The following TANC1 variants were observed in gnomAD, a reference collection of about 807,000 sequenced individuals.
TANC1 encodes protein TANC1.
In TANC1, 77 loss-of-function variants were observed where a neutral mutation model predicts 149.7. That is an observed-to-expected ratio of 0.51 (90% CI 0.43 to 0.62). The LOEUF (loss-of-function observed/expected upper bound fraction) is 0.62, where lower values mean the gene tolerates loss of function less well. Among genes scored for constraint, TANC1 ranks in the 20% least tolerant of loss-of-function variants. The pLI is 0.00. For synonymous variants in TANC1, 854 were observed against 925.0 expected (o/e 0.92, Z 1.39); for missense variants, 1,985 against 2,321.8 (o/e 0.85, Z 2.98).
intron 2 of TANC1, chr2:159,056,575 A>G (rs1574377551): frequency 6.4e-6 from 1 of 155,552 alleles, no homozygotes; most frequent in East Asian, 1.9e-4. Context: ...GAAGCCTCCC[A>G]AAGTGCTGGG....
intron 19 of TANC1, among the ~76,000 whole-genome samples, chr2:159,213,313 C>T (rs1027459221): frequency 8.6e-5 from 13 of 151,952 alleles, no homozygotes; most frequent in South Asian, 4.2e-4. Flanking sequence ...GAGACTACAG[C>T]GAGAATTCCT....
At chr2:159,190,809 C>A (rs986933116) in intron 16 of TANC1, among the ~76,000 whole-genome samples, 1 of 152,240 alleles carries the variant, frequency 6.6e-6, no homozygotes, top group African/African-American at 2.4e-5. Context: ...ACCTCGGCCT[C>A]CCAAAGTGTT....
At chr2:159,225,432 A>G (rs1401157541) in intron 23 of TANC1, 3 of 532,232 alleles carry the variant, frequency 5.6e-6, no homozygotes, top group East Asian at 6.6e-5. Context: ...GAAGGGAGGA[A>G]TGAGTTTTCG....
intron 4 of TANC1, among the ~76,000 whole-genome samples, chr2:159,104,095 C>A (rs2046956595): frequency 1.0e-5 from 1 of 95,978 alleles, no homozygotes; most frequent in African/African-American, 2.9e-5. Flanking sequence ...GACATCTAAC[C>A]TTCAGAAAGG....
At chr2:159,197,707 A>G (rs1044624810) in intron 18 of TANC1, among the ~76,000 whole-genome samples, 1 of 152,080 alleles carries the variant, frequency 6.6e-6, no homozygotes, top group African/African-American at 2.4e-5. Flanking sequence ...CATTGGGAGG[A>G]CCATGAATGC....
chr2:159,097,957 A>G (rs1320944644), intron 4 of TANC1, 123 bp downstream of exon 4: 2 of 792,626 alleles, frequency 2.5e-6, no homozygotes, highest in Non-Finnish European at 3.9e-6. Context: ...AGTATCTTCT[A>G]GAAGAAATAA....
chr2:159,006,872 A>G (rs1298588843), intron 2 of TANC1, among the ~76,000 whole-genome samples: 2 of 152,232 alleles, frequency 1.3e-5, no homozygotes, highest in African/African-American at 2.4e-5. Flanking sequence ...AGGTATCACA[A>G]ACTCCTAAGG....
chr2:159,220,493 AG>A (rs1470015571), intron 22 of TANC1, among the ~76,000 whole-genome samples: 1 of 151,384 alleles, frequency 6.6e-6, no homozygotes, highest in South Asian at 2.1e-4. Flanking sequence ...TAGTAGAGAC[AG>A]GGTTTCACCA....
rs746542577 is a variant in TANC1 at position 159,175,025 on chromosome 2, G to A, written c.1576G>A (p.Ala526Thr). 1.9e-6 allele frequency: 3 copies of A among 1,614,126 alleles called. No homozygotes were observed. In the South Asian group the frequency reaches 3.3e-5, roughly 18 times the overall value. The stretch of plus-strand genomic sequence containing the variant: ...GGTGCCCGAGTTTGTGCACAGCATC[G>A]CAGCTTTGCTCTGCCGGTCCCATCA... ...CLVPEFVHSI[A>T]ALLCRSHQLA... Residue 526 changes from alanine to threonine, a missense_variant, in exon 12 of 27, where the codon GCA (alanine) becomes ACA (threonine). Around this residue, in one of 3 missense-constraint regions of TANC1, gnomAD observed 508 missense variants for 714.2 expected, o/e 0.71. Transcript: ENST00000263635.
chr2:159,023,666 T>C (rs1483138541), intron 2 of TANC1, among the ~76,000 whole-genome samples: 1 of 152,094 alleles, frequency 6.6e-6, no homozygotes, highest in African/African-American at 2.4e-5. Context: ...AAAGTCATTA[T>C]AGAAATTGTC....
intron 1 of TANC1, among the ~76,000 whole-genome samples, chr2:158,973,030 G>A (rs2033125047): frequency 6.6e-6 from 1 of 152,134 alleles, no homozygotes; most frequent in African/African-American, 2.4e-5. Flanking sequence ...CCCTTCTAGG[G>A]TCGGTGTTGT....
intron 8 of TANC1, among the ~76,000 whole-genome samples, chr2:159,166,083 A>G (rs1176301507): frequency 1.3e-5 from 2 of 152,246 alleles, no homozygotes; most frequent in Non-Finnish European, 1.5e-5. Flanking sequence ...ACAACTATAT[A>G]TCACATCAAA....
At chr2:159,060,103 T>G (rs2042135334) in intron 2 of TANC1, 18 of 979,392 alleles carry the variant, frequency 1.8e-5, no homozygotes, top group Non-Finnish European at 2.2e-5. Context: ...AAGGCATGAC[T>G]GTTAGTTACG....
chr2:159,096,869 G>A (rs1336066382), intron 3 of TANC1, among the ~76,000 whole-genome samples: 3 of 152,200 alleles, frequency 2.0e-5, no homozygotes, highest in Admixed American at 1.3e-4. Context: ...AGAGAACCAG[G>A]AAGTTAAACT....
At chr2:159,187,089 A>G in intron 16 of TANC1, 65 bp downstream of exon 16, 4 of 1,587,202 alleles carry the variant, frequency 2.5e-6, no homozygotes, top group Non-Finnish European at 3.4e-6. Context: ...CGTTCCTCCA[A>G]CAGCCCTGTT....
chr2:159,080,469 T>C (rs1247819249), intron 3 of TANC1, among the ~76,000 whole-genome samples: 3 of 152,152 alleles, frequency 2.0e-5, no homozygotes, highest in Admixed American at 2.0e-4. Context: ...GGTGGATAGA[T>C]CTTCCCACTC....
rs984386348 is a variant in TANC1 at position 159,163,951 on chromosome 2, T to A, written c.946+405T>A. Among the ~76,000 whole-genome samples, 6 of 152,218 alleles carry A rather than the reference T, an allele frequency of 3.9e-5. No individual in the cohort carries two copies. The East Asian group carries it at 9.6e-4, about 24-fold the overall frequency. On this transcript the variant is annotated intron_variant, in intron 8 of 26. Coordinates refer to ENST00000263635, the MANE Select transcript of TANC1 (RefSeq NM_033394.3). Reference sequence around the variant, plus strand: ...TACCAAACTTACAAACTTATTTTTGTCTAATTGAGGCCGATTGTACAGGCA... The same window carrying A: ...TACCAAACTTACAAACTTATTTTTGACTAATTGAGGCCGATTGTACAGGCA...
intron 13 of TANC1, among the ~76,000 whole-genome samples, chr2:159,178,115 AAAG>A (rs2056074779): frequency 6.6e-6 from 1 of 152,264 alleles, no homozygotes; most frequent in African/African-American, 2.4e-5. Context: ...TTTGCTGCAT[AAAG>A]AAGGATGTCT....
intron 1 of TANC1, among the ~76,000 whole-genome samples, chr2:158,991,686 C>T (rs973950399): frequency 2.0e-4 from 31 of 151,998 alleles, no homozygotes; most frequent in African/African-American, 7.5e-4. Flanking sequence ...GCGGAGCTTG[C>T]AGTGAGCTGA....
Sources: gnomAD v4.1 joint callset for allele counts (sites outside exome capture counted in the v4.1 genomes callset) on GRCh38, gnomAD v4.1.1 for gene constraint, gnomAD v4.1.1 regional missense constraint, MANE v1.5 for transcripts, NCBI Gene and HGNC (gene_info 2026-07-23, HGNC 2026-07-21) for gene names.